Variants in GNAS-AS1 observed in about 807,000 individuals in gnomAD.
GNAS-AS1 encodes GNAS antisense RNA 1, also known as GNAS antisense RNA 1 (non-protein coding).
intron 4 of GNAS-AS1, among the ~76,000 whole-genome samples, chr20:58,830,917 G>A (rs182642991): frequency 6.6e-6 from 1 of 152,134 alleles, no homozygotes; most frequent in African/African-American, 2.4e-5. Context: ...AATACTGTCA[G>A]AGAAAAGACA....
intron 4 of GNAS-AS1, among the ~76,000 whole-genome samples, chr20:58,827,936 C>T (rs1014128441): frequency 2.0e-5 from 3 of 152,200 alleles, no homozygotes; most frequent in African/African-American, 2.4e-5. Flanking sequence ...TAATTGCATG[C>T]GCAGTTACAC....
intron 4 of GNAS-AS1, among the ~76,000 whole-genome samples, chr20:58,832,763 C>G (rs2085575621): frequency 6.6e-6 from 1 of 152,182 alleles, no homozygotes; most frequent in Admixed American, 6.5e-5. Context: ...TTTTGTTTTT[C>G]TAACTAACTG....
chr20:58,838,352 T>C (rs894638888), intron 4 of GNAS-AS1, among the ~76,000 whole-genome samples: 31 of 152,240 alleles, frequency 2.0e-4, no homozygotes, highest in African/African-American at 7.5e-4. Flanking sequence ...CCTTGCAGAG[T>C]ACAACAACAC....
At chr20:58,819,222 A>G in exon 5 of GNAS-AS1, 3 of 398,680 alleles carry the variant, frequency 7.5e-6, no homozygotes, top group Non-Finnish European at 1.3e-5. Flanking sequence ...CAGCTGCAGA[A>G]GGTTCCAGGG....
chr20:58,819,404 G>A (rs1436847850), intron 4 of GNAS-AS1: 1 of 397,368 alleles, frequency 2.5e-6, no homozygotes, highest in East Asian at 3.6e-5. Flanking sequence ...CCAACGGCCA[G>A]AACGGCCATC....
chr20:58,846,732 G>A (rs2085954651), intron 2 of GNAS-AS1, among the ~76,000 whole-genome samples: 1 of 152,180 alleles, frequency 6.6e-6, no homozygotes, highest in Non-Finnish European at 1.5e-5. Flanking sequence ...TTATGTCGCT[G>A]TCTTAATTAG....
chr20:58,819,513 G>T (rs1033865842), intron 4 of GNAS-AS1, among the ~76,000 whole-genome samples: 1 of 152,240 alleles, frequency 6.6e-6, no homozygotes, highest in East Asian at 1.9e-4. Flanking sequence ...TTTTTCTGAT[G>T]GGGGGAGAGC....
chr20:58,848,250 C>T (rs1310865107), intron 2 of GNAS-AS1, among the ~76,000 whole-genome samples: 3 of 152,190 alleles, frequency 2.0e-5, no homozygotes, highest in African/African-American at 7.2e-5. Flanking sequence ...TTTCGACAGC[C>T]AATCCTGTCC....
intron 4 of GNAS-AS1, among the ~76,000 whole-genome samples, chr20:58,831,333 A>T (rs200956389): frequency 7.2e-5 from 10 of 139,160 alleles, no homozygotes; most frequent in African/African-American, 1.2e-4. Context: ...GCTTTTTTTT[A>T]AAAAAATCTG....
chr20:58,841,938 A>G lies in GNAS-AS1; in HGVS notation n.818T>C, dbSNP rs2085747351. On this transcript the variant is annotated splice_region_variant and non_coding_transcript_exon_variant, in exon 4 of 5. Transcript: ENST00000424094. This position sits in a 1 kb window ranked among gnomAD's most constrained non-coding sequence, Gnocchi z 5.0. ...GCGTCTAACATCAGGATAACTTACA[A>G]TTCGTTTCCAAAGAGCGCGGTACGC... 4 of 1,189,834 alleles carry G rather than the reference A, an allele frequency of 3.4e-6. No individual in the cohort carries two copies. Among genetic ancestry groups the G allele is most frequent in the South Asian group, 4.3e-5 (1 of 23,470 alleles). The allele number at this position is 1,189,834 out of a possible 1,614,324, so 73.7% of individuals were successfully genotyped here.
At position 58,830,633 on chromosome 20, in the gene GNAS-AS1, C is replaced by T. The variant is rs967199510; in HGVS notation, n.819+11304G>A. On this transcript the variant is annotated intron_variant and non_coding_transcript_variant, in intron 4 of 4. Transcript: ENST00000424094. ...ACCACCACACCACCATCACCACCAC[C>T]GCCACACCACCACACCACCATCACC... Among the ~76,000 whole-genome samples, 8 of 130,398 alleles carry T rather than the reference C, an allele frequency of 6.1e-5. No homozygotes were observed. In the East Asian group the frequency reaches 1.4e-3, roughly 23 times the overall value. The allele number at this position is 130,398 out of a possible 152,430, so 85.5% of individuals were successfully genotyped here.
At chr20:58,838,561 C>A (rs1327103793) in intron 4 of GNAS-AS1, among the ~76,000 whole-genome samples, 1 of 152,066 alleles carries the variant, frequency 6.6e-6, no homozygotes, top group Non-Finnish European at 1.5e-5. Flanking sequence ...ACCTTCAGCA[C>A]CTAAAACACA....
At chr20:58,845,954 T>C (rs552682080) in intron 2 of GNAS-AS1, among the ~76,000 whole-genome samples, 1 of 152,200 alleles carries the variant, frequency 6.6e-6, no homozygotes, top group South Asian at 2.1e-4. Context: ...ATTTTTTGTG[T>C]TTATTTTAGG....
chr20:58,834,371 C>T (rs992306590), intron 4 of GNAS-AS1: 2 of 152,384 alleles, frequency 1.3e-5, no homozygotes, highest in African/African-American at 2.4e-5. Context: ...GGGCCAGAAC[C>T]CCGTAGACTG....
chr20:58,833,696 C>A (rs1192158373), intron 4 of GNAS-AS1: 1 of 152,252 alleles, frequency 6.6e-6, no homozygotes, highest in East Asian at 1.9e-4. Context: ...ACCCCACACA[C>A]ACCTGACTGA....
intron 2 of GNAS-AS1, among the ~76,000 whole-genome samples, chr20:58,843,123 G>T (rs1300408171): frequency 7.9e-5 from 12 of 151,778 alleles, no homozygotes; most frequent in Non-Finnish European, 1.8e-4. Flanking sequence ...AAACTGCCTC[G>T]CCATCTGCAT....
At position 58,840,829 on chromosome 20, in the gene GNAS-AS1, C is replaced by T; in HGVS notation, n.819+1108G>A. 6.2e-7 allele frequency: 1 copy of T among 1,612,924 alleles called. No individual in the cohort carries two copies. Among genetic ancestry groups the T allele is most frequent in the Non-Finnish European group, 8.5e-7 (1 of 1,179,962 alleles). Reference sequence around the variant, plus strand: ...CCCCTTCCAAAAAGGGACCCATCCCCATCCGGCGTCACTAATGGAGGACGC... The same window carrying T: ...CCCCTTCCAAAAAGGGACCCATCCCTATCCGGCGTCACTAATGGAGGACGC... On this transcript the variant is annotated intron_variant and non_coding_transcript_variant, in intron 4 of 4. Coordinates refer to ENST00000424094, the Ensembl canonical transcript of GNAS-AS1. This position sits in a 1 kb window ranked among gnomAD's most constrained non-coding sequence, Gnocchi z 6.0.
chr20:58,847,903 G>A (rs762000369), intron 2 of GNAS-AS1, among the ~76,000 whole-genome samples: 24 of 152,172 alleles, frequency 1.6e-4, no homozygotes, highest in Non-Finnish European at 2.6e-4. Flanking sequence ...ACAATTACTC[G>A]TTGAATACAT....
exon 1 of GNAS-AS1, chr20:58,850,756 C>T (rs931520358): frequency 2.5e-6 from 1 of 398,736 alleles, no homozygotes; most frequent in African/African-American, 2.1e-5. Flanking sequence ...TCCCCCGAGG[C>T]TCGGCAACCT....
Sources: gnomAD v4.1 joint callset for allele counts (sites outside exome capture counted in the v4.1 genomes callset) on GRCh38, gnomAD v4.1.1 for gene constraint, Gnocchi (gnomAD v3.1) non-coding constraint, MANE v1.5 for transcripts, NCBI Gene and HGNC (gene_info 2026-07-23, HGNC 2026-07-21) for gene names.